Variants in FAM131A observed in about 807,000 individuals in gnomAD.
FAM131A encodes the protein protein FAM131A.
A neutral mutation model predicts 39.2 loss-of-function variants in FAM131A; 24 were observed. That is an observed-to-expected ratio of 0.61 (90% confidence interval 0.44 to 0.86). FAM131A has a LOEUF of 0.86. Among genes scored for constraint, FAM131A ranks in the 40% least tolerant of loss-of-function variants. The pLI, the probability that FAM131A is intolerant of heterozygous loss-of-function variation, is 0.00. For synonymous variants in FAM131A, 202 were observed against 206.8 expected, an observed-to-expected ratio of 0.98 and a Z score of 0.20; for missense variants, 373 against 481.2, an observed-to-expected ratio of 0.78 and a Z score of 2.10.
Position 184,346,169 on chromosome 3 carries a change from C to T in FAM131A, c.*1199C>T. 5.2e-6 allele frequency: 1 copy of T among 194,072 alleles called. No individual in the cohort carries two copies. The highest frequency in any genetic ancestry group is 9.8e-5 in the South Asian group (1 of 10,240). The allele number at this position is 194,072 out of a possible 1,614,324, so 12.0% of individuals were successfully genotyped here. On this transcript the variant is annotated 3_prime_UTR_variant, in exon 6 of 6. Transcript: ENST00000383847. This position sits in a 1 kb window ranked among gnomAD's most constrained non-coding sequence, Gnocchi z 6.0. Reference sequence around the variant, plus strand: ...AGAGGGCCCAAGGTAAGAACGAGAGCCAACGGGCACAAGCATTCTATATAT... The same window carrying T: ...AGAGGGCCCAAGGTAAGAACGAGAGTCAACGGGCACAAGCATTCTATATAT...
At position 184,346,003 on chromosome 3, in the gene FAM131A, A is replaced by G. The variant is rs9944; in HGVS notation, c.*1033A>G. Reference sequence around the variant, plus strand: ...GGCCAAGGCTACAGTACAGGGCCCCACCCCAGCCAGGGTGTTAATGCCCAC... The same window carrying G: ...GGCCAAGGCTACAGTACAGGGCCCCGCCCCAGCCAGGGTGTTAATGCCCAC... On this transcript the variant is annotated 3_prime_UTR_variant, in exon 6 of 6. Coordinates refer to ENST00000383847, the MANE Select transcript of FAM131A (RefSeq NM_144635.5). This position sits in a 1 kb window ranked among gnomAD's most constrained non-coding sequence, Gnocchi z 6.0. 0.8 allele frequency: 152,973 copies of G among 191,748 alleles called. 61,981 individuals are homozygous for G. Among genetic ancestry groups the G allele is most frequent in the African/African-American group, 0.95 (40,069 of 42,324 alleles). 11.9% of individuals were successfully genotyped at this position (191,748 alleles called of 1,614,324 possible).
At chr3:184,336,002 C>T (rs868549364), upstream of FAM131A, 4 of 152,316 alleles carry the variant, frequency 2.6e-5, no homozygotes, top group Non-Finnish European at 5.9e-5. The surrounding 1 kb of genome is among the most constrained non-coding windows in gnomAD (Gnocchi z 5.5). Context: ...CGGGCTCTCC[C>T]CTCCCCAGTG....
chr3:184,345,049 A>G lies in FAM131A; in HGVS notation c.*79A>G. 1 of 1,328,158 alleles carries G rather than the reference A, an allele frequency of 7.5e-7. No homozygotes were observed. The highest frequency in any genetic ancestry group is 1.0e-6 in the Non-Finnish European group (1 of 997,652). The allele number at this position is 1,328,158 out of a possible 1,614,324, so 82.3% of individuals were successfully genotyped here. On this transcript the variant is annotated 3_prime_UTR_variant, in exon 6 of 6. Transcript: ENST00000383847. Reference sequence around the variant, plus strand: ...GCCTCTGTGCCCAAGTGTGGGCTCAAGGCTCCCAGCAGAGCTCCACAGCCT... The same window carrying G: ...GCCTCTGTGCCCAAGTGTGGGCTCAGGGCTCCCAGCAGAGCTCCACAGCCT...
rs1475618614 is a variant in FAM131A at position 184,345,261 on chromosome 3, C to T, written c.*291C>T. ...AGTGATGTTCATGTTCTTAAAATGC[C>T]ACACACACATTTCCTCCTCGGATAA... On this transcript the variant is annotated 3_prime_UTR_variant, in exon 6 of 6. Transcript: ENST00000383847. 1 of 557,088 alleles carries T rather than the reference C, an allele frequency of 1.8e-6. No homozygotes were observed. Among genetic ancestry groups the T allele is most frequent in the Non-Finnish European group, 3.2e-6 (1 of 317,144 alleles). The allele number at this position is 557,088 out of a possible 1,614,324, so 34.5% of individuals were successfully genotyped here. A position where few individuals can be genotyped will look rare whatever the true frequency, so the allele number is the denominator to read the frequency against.
intron 1 of FAM131A, among the ~76,000 whole-genome samples, chr3:184,338,003 C>A (rs1727195814): frequency 6.6e-6 from 1 of 152,086 alleles, no homozygotes; most frequent in South Asian, 2.1e-4. Flanking sequence ...GGAAGGCAAC[C>A]CTCCTGCAAA....
Position 184,342,049 on chromosome 3 carries a change from C to T in FAM131A, c.326-17C>T. The T allele has an allele frequency of 6.2e-7, 1 of 1,614,236 alleles. No homozygotes were observed. The highest frequency in any genetic ancestry group is 1.1e-5 in the South Asian group (1 of 91,090). On this transcript the variant is annotated splice_polypyrimidine_tract_variant and intron_variant, in intron 3 of 5. Coordinates refer to ENST00000383847, the MANE Select transcript of FAM131A (RefSeq NM_144635.5). This position sits in a 1 kb window ranked among gnomAD's most constrained non-coding sequence, Gnocchi z 4.6. ...CCTGGTCCTTTACCAGGCTTCTCCA[C>T]CCTCCCCTATCTCCAGGTATTTCCC...
intron 5 of FAM131A, among the ~76,000 whole-genome samples, chr3:184,344,054 C>T (rs998842831): frequency 1.3e-5 from 2 of 152,260 alleles, no homozygotes; most frequent in South Asian, 2.1e-4. Context: ...GGCACGATCT[C>T]GGCTCACTGC....
Position 184,344,892 on chromosome 3 carries a change from G to C in FAM131A, c.1023G>C (p.Arg341=). ...LCPPLTGSWE[R]QRQASDLASS... ...CACCACTAACGGGCAGCTGGGAACG[G>C]CAGCGGCAAGCCTCTGACCTGGCCT... Residue 341 remains arginine (R), a synonymous_variant, in exon 6 of 6, where the codon CGG becomes CGC. Transcript: ENST00000383847. 1.2e-6 allele frequency: 2 copies of C among 1,608,598 alleles called. No homozygotes were observed. Among genetic ancestry groups the C allele is most frequent in the Non-Finnish European group, 1.7e-6 (2 of 1,179,642 alleles).
intron 2 of FAM131A, chr3:184,340,948 C>T (rs758585574): frequency 1.3e-5 from 2 of 152,446 alleles, no homozygotes; most frequent in Admixed American, 6.5e-5. Flanking sequence ...TCAGAATAGT[C>T]CAGAAGAGAT....
At chr3:184,339,961 A>G (rs1478397029) in intron 2 of FAM131A, 3 of 152,270 alleles carry the variant, frequency 2.0e-5, no homozygotes, top group Non-Finnish European at 4.4e-5. Context: ...TGTTTACATT[A>G]TATCTTACCT....
chr3:184,342,862 T>C lies in FAM131A; in HGVS notation c.625+2T>C. Reference sequence around the variant, plus strand: ...ACTTTGCTGGGGGAATGGACACAGGTGAGGGACATCCTGGGCTAGGGCTGT... The same window carrying C: ...ACTTTGCTGGGGGAATGGACACAGGCGAGGGACATCCTGGGCTAGGGCTGT... On this transcript the variant is annotated splice_donor_variant, in intron 5 of 5. Transcript: ENST00000383847. LOFTEE classifies it high-confidence loss of function. This position sits in a 1 kb window ranked among gnomAD's most constrained non-coding sequence, Gnocchi z 4.6. 1 of 1,610,296 alleles carries C rather than the reference T, an allele frequency of 6.2e-7. No homozygotes were observed. Among genetic ancestry groups the C allele is most frequent in the Non-Finnish European group, 8.5e-7 (1 of 1,176,858 alleles).
Position 184,346,144 on chromosome 3 carries a change from A to C in FAM131A, c.*1174A>C. ...AGGGCCTTGTAGGCTTTGGCAGGTA[A>C]GAGGGCCCAAGGTAAGAACGAGAGC... On this transcript the variant is annotated 3_prime_UTR_variant, in exon 6 of 6. Coordinates refer to ENST00000383847, the MANE Select transcript of FAM131A (RefSeq NM_144635.5). This position sits in a 1 kb window ranked among gnomAD's most constrained non-coding sequence, Gnocchi z 6.0. The C allele has an allele frequency of 5.3e-6, 1 of 188,850 alleles. No individual in the cohort carries two copies. The highest frequency in any genetic ancestry group is 1.1e-5 in the Non-Finnish European group (1 of 89,266). 11.7% of individuals were successfully genotyped at this position (188,850 alleles called of 1,614,324 possible). A position where few individuals can be genotyped will look rare whatever the true frequency, so the allele number is the denominator to read the frequency against.
chr3:184,345,794 C>G lies in FAM131A; in HGVS notation c.*824C>G. On this transcript the variant is annotated 3_prime_UTR_variant, in exon 6 of 6. Coordinates refer to ENST00000383847, the MANE Select transcript of FAM131A (RefSeq NM_144635.5). ...GCGGGAGGTGGAAGAAAGGATGGCT[C>G]TGGTTGCCACAGAGCTGGGACTTCA... The G allele has an allele frequency of 1.7e-6, 1 of 575,794 alleles. No homozygotes were observed. The highest frequency in any genetic ancestry group is 3.1e-6 in the Non-Finnish European group (1 of 327,664). The allele number at this position is 575,794 out of a possible 1,614,324, so 35.7% of individuals were successfully genotyped here. A position where few individuals can be genotyped will look rare whatever the true frequency, so the allele number is the denominator to read the frequency against.
At position 184,344,880 on chromosome 3, in the gene FAM131A, C is replaced by G; in HGVS notation, c.1011C>G (p.Gly337=). ...AGCCACTCTGCCCACCACTAACGGG[C>G]AGCTGGGAACGGCAGCGGCAAGCCT... ...DCQPLCPPLT[G]SWERQRQASD... Residue 337 remains glycine, a synonymous_variant, in exon 6 of 6, where the codon GGC becomes GGG. Coordinates refer to ENST00000383847, the MANE Select transcript of FAM131A (RefSeq NM_144635.5). 2 of 1,610,554 alleles carry G rather than the reference C, an allele frequency of 1.2e-6. No homozygotes were observed. Among genetic ancestry groups the G allele is most frequent in the Non-Finnish European group, 8.5e-7 (1 of 1,179,842 alleles).
Position 184,338,391 on chromosome 3 carries a change from C to G in FAM131A, c.93C>G (p.Ser31=). Residue 31 remains serine (S), a synonymous_variant, in exon 2 of 6, where the codon TCC becomes TCG. Transcript: ENST00000383847. ...AGCCTTTCCCCTTCCTCTCAGTGTC[C>G]TCGGACCCCGCTTGGGCTGTGGAGT... is the stretch of plus-strand genomic sequence containing the variant. ...RWTCQTSRRV[S]SDPAWAVEWI... is the part of the protein sequence containing the mutation. The G allele has an allele frequency of 6.9e-7, 1 of 1,446,016 alleles. No individual in the cohort carries two copies. The highest frequency in any genetic ancestry group is 1.4e-5 in the South Asian group (1 of 69,684). 89.6% of individuals were successfully genotyped at this position (1,446,016 alleles called of 1,614,324 possible). A position where few individuals can be genotyped will look rare whatever the true frequency, so the allele number is the denominator to read the frequency against.
upstream of FAM131A, among the ~76,000 whole-genome samples, chr3:184,336,459 G>A (rs1385018925): frequency 1.3e-5 from 2 of 152,024 alleles, no homozygotes; most frequent in Non-Finnish European, 2.9e-5. The surrounding 1 kb of genome is among the most constrained non-coding windows in gnomAD (Gnocchi z 5.5). Flanking sequence ...CCAGCCCTCG[G>A]CGACTGGCCT....
At chr3:184,340,892 G>A (rs1727341715) in intron 2 of FAM131A, 1 of 152,392 alleles carries the variant, frequency 6.6e-6, no homozygotes, top group Non-Finnish European at 1.5e-5. Context: ...CTGACGAGGT[G>A]GTATTTCAGC....
chr3:184,344,088 T>G (rs956585247), intron 5 of FAM131A, among the ~76,000 whole-genome samples: 3 of 151,982 alleles, frequency 2.0e-5, no homozygotes, highest in Non-Finnish European at 4.4e-5. Context: ...CAGGTTCAAG[T>G]GATTCTCCTG....
chr3:184,346,233 ATTTG>A lies in FAM131A; in HGVS notation c.*1267_*1270del, dbSNP rs968093306. On this transcript the variant is annotated 3_prime_UTR_variant, in exon 6 of 6. Coordinates refer to ENST00000383847, the MANE Select transcript of FAM131A (RefSeq NM_144635.5). This position sits in a 1 kb window ranked among gnomAD's most constrained non-coding sequence, Gnocchi z 6.0. ...GGTGTTTATTTTGTTCTATTTAAGAATTTGTTTTATTAAATTAATATAAAAATCT... is the reference window on the plus strand; with the variant it reads ...GGTGTTTATTTTGTTCTATTTAAGAATTTTATTAAATTAATATAAAAATCT... The A allele has an allele frequency of 1.4e-4, 36 of 261,522 alleles. No individual in the cohort carries two copies. The Admixed American group carries it at 1.4e-3, about 10-fold the overall frequency. The allele number at this position is 261,522 out of a possible 1,614,324, so 16.2% of individuals were successfully genotyped here.
Sources: gnomAD v4.1 joint callset for allele counts (sites outside exome capture counted in the v4.1 genomes callset) on GRCh38, gnomAD v4.1.1 for gene constraint, Gnocchi (gnomAD v3.1) non-coding constraint, MANE v1.5 for transcripts, NCBI Gene and HGNC (gene_info 2026-07-23, HGNC 2026-07-21) for gene names.